WAC: variants seen among roughly 807,000 people sequenced by gnomAD.
The protein encoded by WAC is WW domain containing adaptor with coiled-coil, also known as WW domain-containing adapter protein with coiled-coil.
In WAC, 11 loss-of-function variants were observed where a neutral mutation model predicts 79.6. That is an observed-to-expected ratio of 0.14 (90% CI 0.09 to 0.23). WAC has a LOEUF of 0.23. Ranked by LOEUF, WAC falls within the 10% of genes least tolerant of loss-of-function variation. WAC has a pLI of 1.00. For synonymous variants in WAC, 304 were observed against 276.9 expected, an observed-to-expected ratio of 1.10 and a Z score of -0.97; for missense variants, 728 against 773.5, an observed-to-expected ratio of 0.94 and a Z score of 0.70.
chr10:28,583,073 A>G (rs977916361), intron 3 of WAC, among the ~76,000 whole-genome samples: 1 of 152,062 alleles, frequency 6.6e-6, no homozygotes, highest in African/African-American at 2.4e-5. Flanking sequence ...TTGTACTTCT[A>G]TTTTTGTCCA....
At chr10:28,589,210 T>C (rs1839972168) in intron 4 of WAC, 1 of 152,304 alleles carries the variant, frequency 6.6e-6, no homozygotes, top group Non-Finnish European at 1.5e-5. Flanking sequence ...ATCTTGTTGA[T>C]TTTGAAGGTG....
intron 3 of WAC, among the ~76,000 whole-genome samples, chr10:28,572,036 C>T (rs1243186620): frequency 3.3e-5 from 5 of 152,228 alleles, no homozygotes; most frequent in Middle Eastern, 3.4e-3. Context: ...GATGTAATTA[C>T]ACTGCATAAA....
intron 3 of WAC, among the ~76,000 whole-genome samples, chr10:28,579,134 TC>T (rs1839398858): frequency 6.6e-6 from 1 of 152,118 alleles, no homozygotes; most frequent in Non-Finnish European, 1.5e-5. Flanking sequence ...AACATTTTTA[TC>T]CCACTTACTC....
chr10:28,560,023 A>T (rs554035932), intron 3 of WAC, among the ~76,000 whole-genome samples: 6 of 152,298 alleles, frequency 3.9e-5, no homozygotes, highest in Admixed American at 3.9e-4. Context: ...GAAAGAATCA[A>T]CTGACTGATG....
intron 3 of WAC, among the ~76,000 whole-genome samples, chr10:28,544,149 C>T (rs1837222942): frequency 6.6e-6 from 1 of 152,194 alleles, no homozygotes; most frequent in African/African-American, 2.4e-5. Flanking sequence ...TCCCAAAGTG[C>T]TGGGATTATA....
intron 3 of WAC, among the ~76,000 whole-genome samples, chr10:28,551,905 A>G (rs12414291): frequency 1.3e-4 from 19 of 150,188 alleles, no homozygotes; most frequent in East Asian, 3.9e-4. Context: ...GCTCACTGCA[A>G]CCTTTGCCTC....
chr10:28,539,352 G>A (rs572910461), intron 3 of WAC, among the ~76,000 whole-genome samples: 59 of 152,272 alleles, frequency 3.9e-4, no homozygotes, highest in Admixed American at 2.8e-3. Context: ...GTAACATAGC[G>A]TGTATAGTTT....
chr10:28,582,421 A>G (rs1386505651), intron 3 of WAC, among the ~76,000 whole-genome samples: 1 of 152,142 alleles, frequency 6.6e-6, no homozygotes, highest in Non-Finnish European at 1.5e-5. Context: ...AGTTGTTTCT[A>G]TTGATTGAAA....
chr10:28,596,187 TAG>T (rs1840354763), intron 7 of WAC, 146 bp downstream of exon 7: 2 of 839,702 alleles, frequency 2.4e-6, no homozygotes, highest in Non-Finnish European at 3.5e-6. Context: ...GAGTTAGGTG[TAG>T]AGTTAGCAAT....
chr10:28,581,442 C>G (rs1839531533), intron 3 of WAC, among the ~76,000 whole-genome samples: 1 of 151,972 alleles, frequency 6.6e-6, no homozygotes, highest in African/African-American at 2.4e-5. Context: ...CTCTGGAAGT[C>G]TAGATTCCCA....
At chr10:28,559,350 A>G (rs1258967732) in intron 3 of WAC, among the ~76,000 whole-genome samples, 1 of 152,192 alleles carries the variant, frequency 6.6e-6, no homozygotes, top group Non-Finnish European at 1.5e-5. Context: ...TTCTAGGCAG[A>G]GAACAGTAAA....
At chr10:28,575,910 AC>A (rs1839221583) in intron 3 of WAC, among the ~76,000 whole-genome samples, 2 of 152,200 alleles carry the variant, frequency 1.3e-5, no homozygotes, top group African/African-American at 4.8e-5. Flanking sequence ...ATGTATTTTT[AC>A]TGTACCTTTT....
intron 3 of WAC, among the ~76,000 whole-genome samples, chr10:28,563,423 T>C (rs1160352501): frequency 2.0e-5 from 3 of 152,226 alleles, no homozygotes; most frequent in African/African-American, 7.2e-5. Context: ...CTTAAAATGC[T>C]ATATTTTGTA....
chr10:28,609,281 T>G (rs1210291656), intron 8 of WAC, among the ~76,000 whole-genome samples: 2 of 152,168 alleles, frequency 1.3e-5, no homozygotes, highest in African/African-American at 4.8e-5. Flanking sequence ...GAGAATCGCT[T>G]GAACCCAGGA....
chr10:28,618,366 A>AG (rs9335814), intron 13 of WAC, among the ~76,000 whole-genome samples: 88,226 of 152,006 alleles, frequency 0.58, 26,228 homozygotes, highest in African/African-American at 0.69. Flanking sequence ...ACAGAGTTAC[A>AG]GGTCGATTGA....
intron 7 of WAC, among the ~76,000 whole-genome samples, chr10:28,607,842 A>T (rs1342304763): frequency 6.6e-6 from 1 of 152,208 alleles, no homozygotes; most frequent in Non-Finnish European, 1.5e-5. Flanking sequence ...ATGGAAGCTT[A>T]TTTGAATGTG....
intron 2 of WAC, among the ~76,000 whole-genome samples, chr10:28,534,836 T>G (rs924617339): frequency 6.6e-6 from 1 of 152,214 alleles, no homozygotes; most frequent in South Asian, 2.1e-4. Flanking sequence ...ATGTAAAACA[T>G]TGGATATGTC....
At position 28,583,412 on chromosome 10, in the gene WAC, T is replaced by G. The variant is rs1302337977; in HGVS notation, c.288T>G (p.Ser96=). 1.3e-6 allele frequency: 2 copies of G among 1,584,268 alleles called. No homozygotes were observed. The highest frequency in any genetic ancestry group is 2.4e-5 in the South Asian group (2 of 85,062). ...VRERDGGTSY[S]PQENSHNHSA... is the part of the protein sequence containing the mutation. ...TATTTTTTTAAGGGACCAGTTACTC[T>G]CCACAAGAAAATTCACACAACCACA... The change falls in exon 4 of 14, where the codon TCT becomes TCG. Residue 96 remains serine (S), a synonymous_variant. Coordinates refer to ENST00000354911, the MANE Select transcript of WAC (RefSeq NM_016628.5).
chr10:28,542,156 C>G (rs527288668), intron 3 of WAC, among the ~76,000 whole-genome samples: 4 of 152,312 alleles, frequency 2.6e-5, no homozygotes, highest in Non-Finnish European at 5.9e-5. Flanking sequence ...CTTTATGTTT[C>G]TCCTACTGTG....
Sources: allele counts gnomAD v4.1 joint callset (sites outside exome capture counted in the v4.1 genomes callset), GRCh38; gene constraint gnomAD v4.1.1; transcripts MANE v1.5; gene names NCBI Gene and HGNC (gene_info 2026-07-23, HGNC 2026-07-21).